The following PIGG variants were observed in gnomAD, a reference collection of about 807,000 sequenced individuals.
PIGG encodes GPI ethanolamine phosphate transferase 2, catalytic subunit.
Under a neutral mutation model 83.2 loss-of-function variants are expected in PIGG, and 70 were observed. The observed-to-expected ratio is 0.84, with a 90% CI of 0.69 to 1.03. The LOEUF is 1.03. Among genes scored for constraint, PIGG ranks in the 50% least tolerant of loss-of-function variants. The pLI is 0.00. For synonymous variants in PIGG, 532 were observed against 519.5 expected (o/e 1.02, Z -0.33); for missense variants, 1,257 against 1,233.6 (o/e 1.02, Z -0.28).
chr4:530,359 T>C (rs112866036), intron 10 of PIGG, 77 bp from the exon 11 acceptor site: 1 of 1,009,818 alleles, frequency 9.9e-7, no homozygotes, highest in Admixed American at 1.9e-5. Context: ...GGTAGATAGG[T>C]GTGTTTTTCA....
rs1429251100 is a variant in PIGG at position 521,243 on chromosome 4, G to A, written c.1302G>A (p.Ser434=). Residue 434 remains serine (S), a synonymous_variant, in exon 7 of 13, where the codon TCG becomes TCA. Transcript: ENST00000453061. ...SAQVAQYDIY[S]MMVGTVVVLE... ...AAGTGGCCCAGTACGACATCTATTC[G>A]ATGATGGTGGGGACTGTCGTGGTTT... 21 of 1,613,890 alleles carry A rather than the reference G, an allele frequency of 1.3e-5. No homozygotes were observed. The highest frequency in any genetic ancestry group is 3.3e-4 in the Middle Eastern group (2 of 6,056).
At chr4:520,330 C>T (rs561134247) in intron 6 of PIGG, among the ~76,000 whole-genome samples, 1 of 152,330 alleles carries the variant, frequency 6.6e-6, no homozygotes, top group South Asian at 2.1e-4. Context: ...CATCAGCCAG[C>T]TCGGGAAAGA....
At chr4:512,675 TGTG>T (rs1200172782) in intron 5 of PIGG, among the ~76,000 whole-genome samples, 5 of 151,414 alleles carry the variant, frequency 3.3e-5, no homozygotes, top group Non-Finnish European at 5.9e-5. Context: ...ATTAGCCAGA[TGTG>T]GTGGTGGGCG....
chr4:536,900 G>C (rs1458991746), intron 12 of PIGG: 8 of 152,416 alleles, frequency 5.2e-5, no homozygotes, highest in African/African-American at 1.7e-4. Context: ...TCCTCTCTCT[G>C]TAGGTTTGGT....
At chr4:507,857 CCACTCTCTCTGTTCTGTAT>C (rs1435888826) in intron 4 of PIGG, among the ~76,000 whole-genome samples, 39 of 152,314 alleles carry the variant, frequency 2.6e-4, no homozygotes, top group African/African-American at 3.6e-4. Flanking sequence ...ACCTTTTGTG[CCACTCTCTCTGTTCTGTAT>C]CACTCTCTCT....
chr4:524,325 A>G (rs1006348972), intron 9 of PIGG, among the ~76,000 whole-genome samples: 6 of 152,154 alleles, frequency 3.9e-5, no homozygotes, highest in African/African-American at 1.4e-4. Flanking sequence ...GTGTGTTGCT[A>G]TAAAGAAACA....
intron 2 of PIGG, chr4:501,289 A>G: frequency 2.7e-6 from 1 of 373,360 alleles, no homozygotes; most frequent in East Asian, 7.6e-5. Flanking sequence ...TAGTCTTTAG[A>G]TATACAGCCA....
At chr4:510,075 C>T (rs970964278) in intron 5 of PIGG, among the ~76,000 whole-genome samples, 13 of 152,108 alleles carry the variant, frequency 8.5e-5, no homozygotes, top group African/African-American at 3.1e-4. Flanking sequence ...AGACTTTGAC[C>T]CAGCAGCGCT....
rs1731641553 is a variant in PIGG at position 539,976 on chromosome 4, G to A, written c.*607G>A. ...GCCCAGGTGTTTGAGATCAGCCTGG[G>A]AAACATAGTGAGACCCTCATCTCTC... On this transcript the variant is annotated 3_prime_UTR_variant, in exon 13 of 13. Coordinates refer to ENST00000453061, the MANE Select transcript of PIGG (RefSeq NM_001127178.3). 3 of 152,234 alleles carry A rather than the reference G, an allele frequency of 2.0e-5. No homozygotes were observed. The highest frequency in any genetic ancestry group is 6.5e-5 in the Admixed American group (1 of 15,280). The allele number at this position is 152,234 out of a possible 1,614,324, so 9.4% of individuals were successfully genotyped here.
chr4:507,953 C>G (rs575621572), intron 4 of PIGG, among the ~76,000 whole-genome samples: 76 of 152,088 alleles, frequency 5.0e-4, no homozygotes, highest in Middle Eastern at 3.4e-3. Context: ...GTCACTCTCT[C>G]TTCTGTGTCA....
intron 11 of PIGG, chr4:531,282 G>A (rs942050927): frequency 3.6e-5 from 6 of 168,238 alleles, no homozygotes; most frequent in African/African-American, 7.2e-5. Flanking sequence ...CCAGCCTCCC[G>A]GCAACCTCAG....
At position 530,687 on chromosome 4, in the gene PIGG, ATG is replaced by A; in HGVS notation, c.2514_2515del (p.Ala839SerfsTer2). The stretch of plus-strand genomic sequence containing the variant: ...TTCATCTGGAAGCCCCTGAGACACG[ATG>A]CAGCTGAGATTACTGTGATGCATTA... On this transcript the variant is annotated frameshift_variant, in exon 11 of 13. Transcript: ENST00000453061. LOFTEE classifies it high-confidence loss of function. 6.2e-7 allele frequency: 1 copy of A among 1,613,972 alleles called. No homozygotes were observed. The highest frequency in any genetic ancestry group is 8.5e-7 in the Non-Finnish European group (1 of 1,179,840).
rs183653624 is a variant in PIGG, at chr4:500,869, A to G, written c.360+268A>G. ...AGATCATCCAGGCTAACCTACCCCA[A>G]GATATGCCATTCTTGGTGACCTGCT... is the stretch of plus-strand genomic sequence containing the variant. On this transcript the variant is annotated intron_variant, in intron 2 of 12. Coordinates refer to ENST00000453061, the MANE Select transcript of PIGG (RefSeq NM_001127178.3). Among the ~76,000 whole-genome samples, 1,811 of 152,320 alleles carry G rather than the reference A, an allele frequency of 0.012. 13 individuals are homozygous for G. The highest frequency in any genetic ancestry group is 0.041 in the Middle Eastern group (12 of 294).
chr4:524,409 G>A (rs1314143407), intron 9 of PIGG, among the ~76,000 whole-genome samples: 2 of 152,176 alleles, frequency 1.3e-5, no homozygotes, highest in Admixed American at 1.3e-4. Context: ...AGGAGGCATG[G>A]TGTCGGCATC....
rs778838045 is a variant in PIGG, at chr4:516,107, G to C, written c.1036G>C (p.Glu346Gln). The part of the protein sequence containing the change: ...FPVVEGRPMR[E>Q]QLRFLHLNTV... ...AGTTGTGGAAGGAAGACCAATGAGA[G>C]AGCAGTTGAGATTTTTACATTTGAA... Residue 346 changes from glutamate to glutamine, a missense_variant, in exon 6 of 13, where the codon GAG (glutamate) becomes CAG (glutamine). By Grantham distance (29) the Glu-to-Gln change is conservative. Coordinates refer to ENST00000453061, the MANE Select transcript of PIGG (RefSeq NM_001127178.3). 2.5e-6 allele frequency: 4 copies of C among 1,613,928 alleles called. No homozygotes were observed. Among genetic ancestry groups the C allele is most frequent in the Non-Finnish European group, 3.4e-6 (4 of 1,179,860 alleles).
chr4:533,803 T>C lies in PIGG; in HGVS notation c.2572-15T>C, dbSNP rs753994969. ...GTGTTGTGAGGCCTTTGTCAGCTCT[T>C]CTCCTGTATTCCAGGGCAACTCCAA... On this transcript the variant is annotated splice_polypyrimidine_tract_variant and intron_variant, in intron 11 of 12. Coordinates refer to ENST00000453061, the MANE Select transcript of PIGG (RefSeq NM_001127178.3). The C allele has an allele frequency of 2.5e-6, 4 of 1,613,602 alleles. No homozygotes were observed. In the East Asian group the frequency reaches 8.9e-5, roughly 36 times the overall value.
intron 4 of PIGG, 32 bp from the exon 5 acceptor site, chr4:508,797 C>T (rs781901637): frequency 8.1e-6 from 13 of 1,608,648 alleles, no homozygotes; most frequent in Middle Eastern, 1.7e-4. Context: ...TCAGTCTGAA[C>T]GCAGTTGAAA....
Position 512,364 on chromosome 4 carries a change from C to T in PIGG, c.901+3394C>T, listed in dbSNP as rs1350854149. ...CCTCCCGAGTAGCTGGGATTACAGGCACCCACCACCACCGGTTAATTTTTG... is the reference window on the plus strand; with the variant it reads ...CCTCCCGAGTAGCTGGGATTACAGGTACCCACCACCACCGGTTAATTTTTG... On this transcript the variant is annotated intron_variant, in intron 5 of 12. Coordinates refer to ENST00000453061, the MANE Select transcript of PIGG (RefSeq NM_001127178.3). Among the ~76,000 whole-genome samples the T allele has an allele frequency of 2.0e-5, 3 of 151,346 alleles. No individual in the cohort carries two copies. The East Asian group carries it at 5.9e-4, about 30-fold the overall frequency.
At chr4:529,525 T>C (rs1194621491) in intron 10 of PIGG, among the ~76,000 whole-genome samples, 1 of 151,816 alleles carries the variant, frequency 6.6e-6, no homozygotes, top group Non-Finnish European at 1.5e-5. Flanking sequence ...TATTATGATA[T>C]TAAAAATTAC....
Sources: gnomAD v4.1 joint callset for allele counts (sites outside exome capture counted in the v4.1 genomes callset) on GRCh38, gnomAD v4.1.1 for gene constraint, MANE v1.5 for transcripts, NCBI Gene and HGNC (gene_info 2026-07-23, HGNC 2026-07-21) for gene names.